MELK: variants seen among roughly 807,000 people sequenced by gnomAD.
The protein encoded by MELK is maternal embryonic leucine zipper kinase, also known as pEg3 kinase.
MELK carries 81 observed loss-of-function variants against 85.0 expected under a neutral mutation model. That is an observed-to-expected ratio of 0.95 (90% confidence interval 0.80 to 1.15). The LOEUF (loss-of-function observed/expected upper bound fraction) is 1.15. Among genes scored for constraint, MELK ranks in the 50% most tolerant of loss-of-function variants. MELK has a pLI of 0.00. For synonymous variants in MELK, 252 were observed against 265.0 expected (o/e 0.95, Z 0.48); for missense variants, 754 against 777.5 (o/e 0.97, Z 0.36).
chr9:36,599,558 A>G (rs1029486050), intron 7 of MELK, 72 bp downstream of exon 7: 2 of 1,098,180 alleles, frequency 1.8e-6, no homozygotes, highest in South Asian at 2.6e-5. Context: ...TGAGTCAGGC[A>G]CTGTGCGTTG....
At chr9:36,610,071 GAT>G (rs1199912149) in intron 8 of MELK, among the ~76,000 whole-genome samples, 1 of 152,164 alleles carries the variant, frequency 6.6e-6, no homozygotes, top group Non-Finnish European at 1.5e-5. Flanking sequence ...GAGCATTCCT[GAT>G]AGTACAGGTA....
At chr9:36,598,702 T>C (rs1280527823) in intron 6 of MELK, among the ~76,000 whole-genome samples, 2 of 152,210 alleles carry the variant, frequency 1.3e-5, no homozygotes, top group African/African-American at 2.4e-5. Context: ...GATTTCATAC[T>C]GGAGATAAGG....
intron 1 of MELK, among the ~76,000 whole-genome samples, chr9:36,580,492 G>T (rs1454380446): frequency 6.6e-6 from 1 of 151,366 alleles, no homozygotes; most frequent in Admixed American, 6.6e-5. Flanking sequence ...GCTAATTTGT[G>T]TATTTTTAGT....
intron 4 of MELK, among the ~76,000 whole-genome samples, chr9:36,593,176 C>CTTTTTTT (rs368674596): frequency 7.6e-6 from 1 of 131,208 alleles, no homozygotes; most frequent in African/African-American, 2.8e-5. Flanking sequence ...AGAGCTTCCT[C>CTTTTTTT]TTTTTTTTTT....
intron 7 of MELK, among the ~76,000 whole-genome samples, chr9:36,601,839 T>G (rs1397853679): frequency 1.3e-5 from 2 of 152,218 alleles, no homozygotes; most frequent in Non-Finnish European, 2.9e-5. Flanking sequence ...TTTTTGTGAC[T>G]GGTTATTTCA....
intron 8 of MELK, among the ~76,000 whole-genome samples, chr9:36,619,131 G>T (rs1587459301): frequency 6.6e-6 from 1 of 151,990 alleles, no homozygotes; most frequent in Non-Finnish European, 1.5e-5. Context: ...GCTAATTTTT[G>T]TATTTTTAGT....
chr9:36,634,301 C>G (rs1361627865), intron 10 of MELK, among the ~76,000 whole-genome samples: 3 of 152,170 alleles, frequency 2.0e-5, no homozygotes, highest in African/African-American at 4.8e-5. Flanking sequence ...TGTCATTCTC[C>G]TTGAACTGAC....
chr9:36,630,862 C>T (rs1213715182), intron 9 of MELK, among the ~76,000 whole-genome samples: 1 of 152,170 alleles, frequency 6.6e-6, no homozygotes, highest in East Asian at 1.9e-4. Context: ...CCATGTTGGC[C>T]AGGCTGGTCT....
chr9:36,616,823 GTTTTT>G (rs11325318), intron 8 of MELK, among the ~76,000 whole-genome samples: 6 of 124,038 alleles, frequency 4.8e-5, no homozygotes, highest in Non-Finnish European at 8.5e-5. Flanking sequence ...CCCCTTCCCA[GTTTTT>G]TTTTTTTTTT....
intron 7 of MELK, among the ~76,000 whole-genome samples, chr9:36,604,214 C>T (rs1297461035): frequency 1.3e-5 from 2 of 150,446 alleles, no homozygotes; most frequent in East Asian, 3.9e-4. Context: ...GGTGATCTGC[C>T]CACCTCGGCT....
chr9:36,644,248 T>A (rs1366955885), intron 11 of MELK, among the ~76,000 whole-genome samples: 1 of 144,990 alleles, frequency 6.9e-6, no homozygotes, highest in East Asian at 2.0e-4. Flanking sequence ...TGTGTGTGTG[T>A]GTGTTTTAAG....
At chr9:36,614,437 TTTTTTTAATTTA>T (rs1284909224) in intron 8 of MELK, among the ~76,000 whole-genome samples, 1 of 147,550 alleles carries the variant, frequency 6.8e-6, no homozygotes, top group African/African-American at 2.6e-5. Flanking sequence ...TTTTTTTTTT[TTTTTTTAATTTA>T]TTTTTTTATT....
At position 36,649,938 on chromosome 9, in the gene MELK, A is replaced by AATTT. The variant is rs1193728714; in HGVS notation, c.922-1807_922-1806insTTTA. 2.5e-3 allele frequency among the ~76,000 whole-genome samples: 379 copies of AATTT among 151,586 alleles called. 1 individual carries two copies. The highest frequency in any genetic ancestry group is 6.8e-3 in the Middle Eastern group (2 of 294). ...TATCTCTATTTAATTTAATTTAATT[A>AATTT]AATTAATTAATTTATTTATTTTTGA... On this transcript the variant is annotated intron_variant, in intron 11 of 17. Transcript: ENST00000298048.
intron 12 of MELK, among the ~76,000 whole-genome samples, chr9:36,655,759 T>G (rs935486766): frequency 6.6e-6 from 1 of 152,152 alleles, no homozygotes; most frequent in Non-Finnish European, 1.5e-5. Flanking sequence ...AGCTTTAGGA[T>G]TTTTCTCAGC....
At chr9:36,674,965 A>G (rs1296031621) in intron 17 of MELK, 28 bp downstream of exon 17, 3 of 1,479,268 alleles carry the variant, frequency 2.0e-6, no homozygotes, top group African/African-American at 1.4e-5. Context: ...AAGCTGTTGC[A>G]TTTATTAGTA....
chr9:36,580,729 ATT>A (rs113212041), intron 1 of MELK, among the ~76,000 whole-genome samples: 24 of 139,944 alleles, frequency 1.7e-4, no homozygotes, highest in Admixed American at 1.4e-4. Flanking sequence ...TCTTTGAGAA[ATT>A]TTTTTTTTTT....
chr9:36,666,857 G>GTGTT (rs1375922773), intron 14 of MELK, among the ~76,000 whole-genome samples: 2 of 3,980 alleles, frequency 5.0e-4, no homozygotes, highest in Non-Finnish European at 2.2e-3. Context: ...CTGTGTTTGT[G>GTGTT]TGTGTGTGTG....
rs376998895 is a variant in MELK, at chr9:36,630,957, G to A, written c.735+590G>A. Among the ~76,000 whole-genome samples, 28 of 141,906 alleles carry A rather than the reference G, an allele frequency of 2.0e-4. No individual in the cohort carries two copies. The East Asian group carries it at 5.7e-3, about 29-fold the overall frequency. 93.1% of individuals were successfully genotyped at this position (141,906 alleles called of 152,430 possible). A position where few individuals can be genotyped will look rare whatever the true frequency, so the allele number is the denominator to read the frequency against. ...GCGTGAGCCTCTACACCTGGCCCCA[G>A]CTCTTTTTTTTTTTTTTTTTTATTT... is the stretch of plus-strand genomic sequence containing the variant. On this transcript the variant is annotated intron_variant, in intron 9 of 17. Transcript: ENST00000298048.
At chr9:36,627,587 C>T (rs913155858) in intron 8 of MELK, among the ~76,000 whole-genome samples, 2 of 144,774 alleles carry the variant, frequency 1.4e-5, no homozygotes, top group African/African-American at 5.2e-5. Context: ...AGTGCAATGG[C>T]GCGATCTCGG....
Sources: gnomAD v4.1 joint callset for allele counts (sites outside exome capture counted in the v4.1 genomes callset) on GRCh38, gnomAD v4.1.1 for gene constraint, MANE v1.5 for transcripts, NCBI Gene and HGNC (gene_info 2026-07-23, HGNC 2026-07-21) for gene names.